The following SERINC5 variants were observed in gnomAD, a reference collection of about 807,000 sequenced individuals.
SERINC5 encodes the protein chromosome 5 open reading frame 12.
SERINC5 carries 41 observed loss-of-function variants against 63.1 expected under a neutral mutation model. The observed-to-expected ratio is 0.65, with a 90% CI of 0.51 to 0.84. The LOEUF (loss-of-function observed/expected upper bound fraction) is 0.84. Ranked by LOEUF, SERINC5 falls within the 40% of genes least tolerant of loss-of-function variation. The pLI, the probability that SERINC5 is intolerant of heterozygous loss-of-function variation, is 0.00. For missense variants in SERINC5, 523 were observed against 573.0 expected (o/e 0.91, Z 0.89); for synonymous variants, 222 against 215.2 (o/e 1.03, Z -0.28).
chr5:80,141,685 TC>T lies in SERINC5; in HGVS notation c.*1977del. 4.1e-6 allele frequency: 4 copies of T among 985,526 alleles called. No individual in the cohort carries two copies. The highest frequency in any genetic ancestry group is 3.6e-6 in the Non-Finnish European group (3 of 829,994). The allele number at this position is 985,526 out of a possible 1,614,324, so 61.0% of individuals were successfully genotyped here. ...ACGCAGCCCCACTCCCTGAGCCCAT[TC>T]CTGGCCCACGGAACTCCTGTCCCCT... On this transcript the variant is annotated 3_prime_UTR_variant, in exon 12 of 12. Transcript: ENST00000507668.
At chr5:80,250,128 G>C (rs552192090) in intron 1 of SERINC5, among the ~76,000 whole-genome samples, 1 of 152,300 alleles carries the variant, frequency 6.6e-6, no homozygotes, top group African/African-American at 2.4e-5. Context: ...TATAAGAAGA[G>C]AGGAAACATC....
chr5:80,199,012 C>T (rs1001779721), intron 2 of SERINC5, among the ~76,000 whole-genome samples: 5 of 152,202 alleles, frequency 3.3e-5, no homozygotes, highest in Non-Finnish European at 7.3e-5. Flanking sequence ...CTAGGCTCAC[C>T]TCCCAAAATA....
At chr5:80,201,185 G>T (rs1430466575) in intron 2 of SERINC5, among the ~76,000 whole-genome samples, 2 of 152,296 alleles carry the variant, frequency 1.3e-5, no homozygotes, top group East Asian at 3.9e-4. Context: ...GTTTGCTCAG[G>T]TGTTGCCCCG....
Position 80,181,416 on chromosome 5 carries a change from T to TGTGTGTGTGTGTGTG in SERINC5, c.196-3353_196-3352insCACACACACACACAC, listed in dbSNP as rs1580124918. On this transcript the variant is annotated intron_variant, in intron 2 of 11. Coordinates refer to ENST00000507668, the MANE Select transcript of SERINC5 (RefSeq NM_001174072.3). ...CATGCACCACCAAGCTCAGCTAATT[T>TGTGTGTGTGTGTGTG]TGTGTGTGTGTGTGTGTGTGTGTGT... Among the ~76,000 whole-genome samples, 129 of 145,446 alleles carry TGTGTGTGTGTGTGTG rather than the reference T, an allele frequency of 8.9e-4. 4 individuals carry two copies. In the East Asian group the frequency reaches 0.011, roughly 13 times the overall value.
At position 80,198,813 on chromosome 5, in the gene SERINC5, A is replaced by G. The variant is rs148103157; in HGVS notation, c.195+4073T>C. ...CTAAAGCTGGAAAAGGATTGGTTTC[A>G]CCCACAGGGATCTCATTCCCTACGC... On this transcript the variant is annotated intron_variant, in intron 2 of 11. Coordinates refer to ENST00000507668, the MANE Select transcript of SERINC5 (RefSeq NM_001174072.3). The G allele has an allele frequency of 2.6e-4, 148 of 575,922 alleles. No individual in the cohort carries two copies. In the African/African-American group the frequency reaches 2.8e-3, roughly 11 times the overall value. The allele number at this position is 575,922 out of a possible 1,614,324, so 35.7% of individuals were successfully genotyped here. A position where few individuals can be genotyped will look rare whatever the true frequency, so the allele number is the denominator to read the frequency against.
intron 1 of SERINC5, among the ~76,000 whole-genome samples, chr5:80,228,839 G>C (rs1175659157): frequency 7.9e-5 from 12 of 151,870 alleles, no homozygotes; most frequent in African/African-American, 2.9e-4. Flanking sequence ...GATAGCATTA[G>C]AATACCTCAC....
intron 1 of SERINC5, among the ~76,000 whole-genome samples, chr5:80,218,059 C>T (rs1364020283): frequency 6.6e-6 from 1 of 152,212 alleles, no homozygotes; most frequent in African/African-American, 2.4e-5. Flanking sequence ...TAAAGGAAGT[C>T]ATCGTTAGTA....
In SERINC5 at chr5:80,181,416, T is replaced by TGTGTGTGTGTG. The variant is rs1580124918; in HGVS notation, c.196-3353_196-3352insCACACACACAC. 3.4e-4 allele frequency among the ~76,000 whole-genome samples: 49 copies of TGTGTGTGTGTG among 145,446 alleles called. 1 individual carries two copies. Among genetic ancestry groups the TGTGTGTGTGTG allele is most frequent in the East Asian group, 1.2e-3 (5 of 4,302 alleles). ...CATGCACCACCAAGCTCAGCTAATT[T>TGTGTGTGTGTG]TGTGTGTGTGTGTGTGTGTGTGTGT... On this transcript the variant is annotated intron_variant, in intron 2 of 11. Transcript: ENST00000507668.
At position 80,143,558 on chromosome 5, in the gene SERINC5, G is replaced by A; in HGVS notation, c.*105C>T. 7.3e-7 allele frequency: 1 copy of A among 1,365,358 alleles called. No homozygotes were observed. Among genetic ancestry groups the A allele is most frequent in the South Asian group, 1.9e-5 (1 of 53,244 alleles). The allele number at this position is 1,365,358 out of a possible 1,614,324, so 84.6% of individuals were successfully genotyped here. A position where few individuals can be genotyped will look rare whatever the true frequency, so the allele number is the denominator to read the frequency against. ...TTTTTTCTCTCTCAAAGCTTTTTCA[G>A]ACCCACTCAGGCACAGGGCGCCAGT... On this transcript the variant is annotated 3_prime_UTR_variant, in exon 12 of 12. Transcript: ENST00000507668.
intron 4 of SERINC5, among the ~76,000 whole-genome samples, 185 bp from the exon 5 acceptor site, chr5:80,175,232 A>G (rs2112407375): frequency 6.6e-6 from 1 of 152,336 alleles, no homozygotes; most frequent in South Asian, 2.1e-4. Context: ...TTGAGAATCT[A>G]TGTAGGTTGA....
chr5:80,255,343 T>C (rs1752606800), intron 1 of SERINC5: 1 of 154,778 alleles, frequency 6.5e-6, no homozygotes, highest in African/African-American at 2.4e-5. Flanking sequence ...GGCTGAGTTT[T>C]CCCTTCGCCC....
In SERINC5 at chr5:80,120,896, C is replaced by CT. The variant is rs967523999; in HGVS notation, c.1239-7272dup. 6.6e-5 allele frequency among the ~76,000 whole-genome samples: 10 copies of CT among 151,860 alleles called. No homozygotes were observed. In the South Asian group the frequency reaches 8.3e-4, roughly 13 times the overall value. Reference sequence around the variant, plus strand: ...AAGAAAGGAGTTTTGGAGGCTTTTTCTTTTTTTTGAGACAGAATTTCGCTC... The same window carrying CT: ...AAGAAAGGAGTTTTGGAGGCTTTTTCTTTTTTTTTGAGACAGAATTTCGCTC... On this transcript the variant is annotated intron_variant, in intron 11 of 12. Coordinates refer to the SERINC5 transcript ENST00000509193.
chr5:80,200,100 G>A (rs1749733548), intron 2 of SERINC5, among the ~76,000 whole-genome samples: 1 of 152,046 alleles, frequency 6.6e-6, no homozygotes, highest in Admixed American at 6.6e-5. Context: ...CAAGGCTGCA[G>A]AGAGCCATGA....
At position 80,166,455 on chromosome 5, in the gene SERINC5, G is replaced by C; in HGVS notation, c.787C>G (p.Gln263Glu). ...QNRQPHSGLLQSGVISCYVTY... is the reference protein window; with the variant it reads ...QNRQPHSGLLESGVISCYVTY... Reference sequence around the variant, plus strand: ...ACATAGCAGCTTATGACCCCTGATTGTAAGAGCCCCGAGTGTGGCTGTCCT... The same window carrying C: ...ACATAGCAGCTTATGACCCCTGATTCTAAGAGCCCCGAGTGTGGCTGTCCT... Residue 263 changes from glutamine to glutamate, a missense_variant, in exon 7 of 12, where the codon CAA becomes GAA. By Grantham distance (29) the Gln-to-Glu change is conservative. Transcript: ENST00000507668. The C allele has an allele frequency of 6.3e-7, 1 of 1,593,398 alleles. No individual in the cohort carries two copies. The highest frequency in any genetic ancestry group is 8.5e-7 in the Non-Finnish European group (1 of 1,169,736).
intron 11 of SERINC5, among the ~76,000 whole-genome samples, chr5:80,123,164 T>C (rs1038786331): frequency 6.6e-6 from 1 of 152,246 alleles, no homozygotes; most frequent in East Asian, 1.9e-4. Context: ...GGTGTGATCA[T>C]AGCCCATTGT....
intron 8 of SERINC5, among the ~76,000 whole-genome samples, chr5:80,152,483 C>A: frequency 6.9e-6 from 1 of 144,772 alleles, no homozygotes; most frequent in Non-Finnish European, 1.5e-5. Context: ...GACAGAAGGA[C>A]CCTGTCTCAA....
Position 80,213,245 on chromosome 5 carries a change from C to CAAAAAAAAAAA in SERINC5, c.28-10193_28-10192insTTTTTTTTTTT, listed in dbSNP as rs57289084. On this transcript the variant is annotated intron_variant, in intron 1 of 11. Coordinates refer to ENST00000507668, the MANE Select transcript of SERINC5 (RefSeq NM_001174072.3). The stretch of plus-strand genomic sequence containing the variant: ...TGGGCAACAGGGCAAGACTGCATCT[C>CAAAAAAAAAAA]AAAGAAAGAAAAAAGAAAGCTAAAG... Among the ~76,000 whole-genome samples the CAAAAAAAAAAA allele has an allele frequency of 4.5e-5, 6 of 132,654 alleles. 1 individual carries two copies. The highest frequency in any genetic ancestry group is 2.2e-4 in the East Asian group (1 of 4,446). The allele number at this position is 132,654 out of a possible 152,430, so 87.0% of individuals were successfully genotyped here.
intron 11 of SERINC5, among the ~76,000 whole-genome samples, chr5:80,121,383 G>A (rs537339555): frequency 6.6e-6 from 1 of 152,170 alleles, no homozygotes; most frequent in Admixed American, 6.5e-5. Flanking sequence ...TGGTGGTGAG[G>A]AATCTCAGGA....
Position 80,141,727 on chromosome 5 carries a change from T to G in SERINC5, c.*1936A>C. 8 of 985,530 alleles carry G rather than the reference T, an allele frequency of 8.1e-6. No individual in the cohort carries two copies. The highest frequency in any genetic ancestry group is 9.6e-6 in the Non-Finnish European group (8 of 829,986). The allele number at this position is 985,530 out of a possible 1,614,324, so 61.0% of individuals were successfully genotyped here. On this transcript the variant is annotated 3_prime_UTR_variant, in exon 12 of 12. Coordinates refer to ENST00000507668, the MANE Select transcript of SERINC5 (RefSeq NM_001174072.3). ...CCTGTCCCCTAACTGATTCCTCAGG[T>G]TAGAACACGGCTTTTCATTTTGCGA...
Sources: allele counts gnomAD v4.1 joint callset (sites outside exome capture counted in the v4.1 genomes callset), GRCh38; gene constraint gnomAD v4.1.1; transcripts MANE v1.5; gene names NCBI Gene and HGNC (gene_info 2026-07-23, HGNC 2026-07-21).